ABCB4: variants seen among roughly 807,000 people sequenced by gnomAD.
The protein encoded by ABCB4 is ATP binding cassette subfamily B member 4.
ABCB4 carries 76 observed loss-of-function variants against 145.7 expected under a neutral mutation model. The observed-to-expected ratio is 0.52, with a 90% CI of 0.43 to 0.63. ABCB4 has a LOEUF of 0.63. Ranked by LOEUF, ABCB4 falls within the 30% of genes least tolerant of loss-of-function variation. ABCB4 has a pLI of 0.00. For missense variants in ABCB4, 1,234 were observed against 1,553.1 expected, an observed-to-expected ratio of 0.79 and a Z score of 3.45; for synonymous variants, 517 against 566.8, an observed-to-expected ratio of 0.91 and a Z score of 1.25.
chr7:87,419,876 C>T (rs1435232748), intron 19 of ABCB4, 122 bp downstream of exon 19: 3 of 1,028,716 alleles, frequency 2.9e-6, no homozygotes, highest in Non-Finnish European at 4.6e-6. Flanking sequence ...GACTCTGCCC[C>T]ATCCTTGCGT....
chr7:87,464,427 G>C (rs1300242536), intron 3 of ABCB4, among the ~76,000 whole-genome samples: 1 of 152,220 alleles, frequency 6.6e-6, no homozygotes, highest in Non-Finnish European at 1.5e-5. Context: ...AAAGGGACCA[G>C]TGTCCCAAAG....
At position 87,401,696 on chromosome 7, in the gene ABCB4, T is replaced by C; in HGVS notation, c.*400A>G. ...TGATTTAGAAAATTACCAAGAGAGA[T>C]GAGGCTATTGAACAATTTATTTTTC... On this transcript the variant is annotated 3_prime_UTR_variant, in exon 28 of 28. Coordinates refer to ENST00000649586, the MANE Select transcript of ABCB4 (RefSeq NM_000443.4). 1 of 283,010 alleles carries C rather than the reference T, an allele frequency of 3.5e-6. No homozygotes were observed. The highest frequency in any genetic ancestry group is 3.5e-5 in the South Asian group (1 of 28,766). 17.5% of individuals were successfully genotyped at this position (283,010 alleles called of 1,614,324 possible). A position where few individuals can be genotyped will look rare whatever the true frequency, so the allele number is the denominator to read the frequency against.
rs779958095 is a variant in ABCB4 at position 87,409,432 on chromosome 7, A to G, written c.2925-40T>C. The G allele has an allele frequency of 3.7e-6, 6 of 1,602,276 alleles. No homozygotes were observed. In the East Asian group the frequency reaches 1.1e-4, roughly 30 times the overall value. On this transcript the variant is annotated intron_variant, in intron 23 of 27. Transcript: ENST00000649586. Reference sequence around the variant, plus strand: ...AGGAATTCAAAAATTAGCTTTTATAATTAACTCCATGATGTTTGAAAGTCT... The same window carrying G: ...AGGAATTCAAAAATTAGCTTTTATAGTTAACTCCATGATGTTTGAAAGTCT...
At chr7:87,403,022 C>G in intron 27 of ABCB4, 113 bp downstream of exon 27, 1 of 1,196,112 alleles carries the variant, frequency 8.4e-7, no homozygotes, top group Non-Finnish European at 1.2e-6. Flanking sequence ...AAACCACTAT[C>G]TAACGTTCTG....
At chr7:87,369,633 T>G in the ABCB4 span, 1 of 353,116 alleles carries the variant, frequency 2.8e-6, no homozygotes, top group African/African-American at 2.1e-5. Flanking sequence ...TATTTGTATT[T>G]TTTATTTAAA....
chr7:87,462,648 G>T, intron 4 of ABCB4, 110 bp downstream of exon 4: 1 of 1,025,184 alleles, frequency 9.8e-7, no homozygotes, highest in Non-Finnish European at 1.5e-6. Flanking sequence ...GAGTCAACCA[G>T]ATATCCAAAT....
At chr7:87,382,544 G>A in the ABCB4 span, 3 of 1,609,054 alleles carry the variant, frequency 1.9e-6, no homozygotes, top group Admixed American at 5.1e-5. Flanking sequence ...TTCATGGACA[G>A]TAAGGACCAT....
intron 3 of ABCB4, among the ~76,000 whole-genome samples, chr7:87,466,167 T>G (rs1224941828): frequency 2.0e-5 from 3 of 152,128 alleles, no homozygotes; most frequent in African/African-American, 7.2e-5. Context: ...AATAGATGAA[T>G]GGCTAACTAG....
chr7:87,382,893 T>C, the ABCB4 span, among the ~76,000 whole-genome samples: 8 of 152,224 alleles, frequency 5.3e-5, no homozygotes, highest in Non-Finnish European at 1.2e-4. Context: ...CAGCCTTTAC[T>C]CATTTTTAGA....
chr7:87,441,541 T>G (rs1810991599), intron 12 of ABCB4, among the ~76,000 whole-genome samples: 1 of 152,008 alleles, frequency 6.6e-6, no homozygotes, highest in Non-Finnish European at 1.5e-5. Context: ...ACTTTTTCCA[T>G]ATATAATAAA....
the ABCB4 span, among the ~76,000 whole-genome samples, chr7:87,395,327 C>T: frequency 6.6e-6 from 1 of 152,144 alleles, no homozygotes; most frequent in South Asian, 2.1e-4. Flanking sequence ...TGGTGCCCTC[C>T]CAGATTAACG....
intron 3 of ABCB4, among the ~76,000 whole-genome samples, chr7:87,469,424 G>A (rs1460876377): frequency 6.6e-6 from 1 of 152,228 alleles, no homozygotes; most frequent in Non-Finnish European, 1.5e-5. Context: ...AAAAGAGGAA[G>A]TAAAACTGTC....
intron 15 of ABCB4, 119 bp downstream of exon 15, chr7:87,431,285 T>C: frequency 1.5e-6 from 2 of 1,303,492 alleles, no homozygotes; most frequent in Non-Finnish European, 2.2e-6. Context: ...TATACACTTT[T>C]AGGCATCTTG....
At chr7:87,393,688 T>C in the ABCB4 span, among the ~76,000 whole-genome samples, 1 of 152,156 alleles carries the variant, frequency 6.6e-6, no homozygotes, top group Admixed American at 6.5e-5. Flanking sequence ...GTTGGCTTCA[T>C]AAAAATTACG....
Position 87,450,155 on chromosome 7 carries a change from C to G in ABCB4, c.709-63G>C, listed in dbSNP as rs1811616875. On this transcript the variant is annotated intron_variant, in intron 7 of 27. Coordinates refer to ENST00000649586, the MANE Select transcript of ABCB4 (RefSeq NM_000443.4). ...GAGAAAAGTTTAAAGGCACTCTGGT[C>G]AACCCTTTAACCTACTTTTTCTTCC... The G allele has an allele frequency of 1.9e-6, 3 of 1,602,054 alleles. No homozygotes were observed. In the South Asian group the frequency reaches 3.3e-5, roughly 18 times the overall value.
chr7:87,456,939 T>C (rs1812139377), intron 4 of ABCB4, among the ~76,000 whole-genome samples: 1 of 152,082 alleles, frequency 6.6e-6, no homozygotes, highest in Admixed American at 6.5e-5. Flanking sequence ...CTCCTGGTCT[T>C]GTCAGATGCT....
At chr7:87,472,322 T>G (rs897876250) in intron 3 of ABCB4, among the ~76,000 whole-genome samples, 3 of 152,108 alleles carry the variant, frequency 2.0e-5, no homozygotes, top group Non-Finnish European at 2.9e-5. Context: ...AAGACCCTCC[T>G]GCCTCAGCCT....
At chr7:87,475,160 A>G (rs1421292854) in intron 2 of ABCB4, among the ~76,000 whole-genome samples, 3 of 152,226 alleles carry the variant, frequency 2.0e-5, no homozygotes, top group Non-Finnish European at 4.4e-5. Context: ...TTTTCAAGAC[A>G]GCCTTTTCTT....
chr7:87,373,586 C>T, the ABCB4 span, among the ~76,000 whole-genome samples: 23 of 151,920 alleles, frequency 1.5e-4, no homozygotes, highest in Admixed American at 6.6e-4. Flanking sequence ...TTTAAATATA[C>T]ATTTAGTTGG....
Sources: gnomAD v4.1 joint callset for allele counts (sites outside exome capture counted in the v4.1 genomes callset) on GRCh38, gnomAD v4.1.1 for gene constraint, MANE v1.5 for transcripts, NCBI Gene and HGNC (gene_info 2026-07-23, HGNC 2026-07-21) for gene names.